NELL2: variants seen among roughly 807,000 people sequenced by gnomAD.
NELL2 encodes the protein protein kinase C-binding protein NELL2.
Under a neutral mutation model 109.6 loss-of-function variants are expected in NELL2, and 41 were observed. That is an observed-to-expected ratio of 0.37 (90% CI 0.29 to 0.49). The LOEUF is 0.49. Ranked by LOEUF, NELL2 falls within the 20% of genes least tolerant of loss-of-function variation. NELL2 has a pLI of 0.98. For synonymous variants in NELL2, 355 were observed against 344.7 expected, an observed-to-expected ratio of 1.03 and a Z score of -0.33; for missense variants, 900 against 1,008.3, an observed-to-expected ratio of 0.89 and a Z score of 1.45.
At chr12:44,750,210 T>C (rs1397431814) in intron 9 of NELL2, among the ~76,000 whole-genome samples, 4 of 152,170 alleles carry the variant, frequency 2.6e-5, no homozygotes, top group Non-Finnish European at 5.9e-5. Flanking sequence ...ATGTGTACTG[T>C]TAAAGATCAA....
At chr12:44,711,465 C>A in intron 10 of NELL2, 71 bp from the exon 11 acceptor site, 1 of 1,318,776 alleles carries the variant, frequency 7.6e-7, no homozygotes. Flanking sequence ...CCAGATCCAG[C>A]ATCTGAGAAG....
intron 16 of NELL2, among the ~76,000 whole-genome samples, chr12:44,528,743 A>G (rs1339150724): frequency 6.6e-6 from 1 of 152,196 alleles, no homozygotes; most frequent in Non-Finnish European, 1.5e-5. Flanking sequence ...TATAATTTCT[A>G]TCAAAAAAAG....
intron 19 of NELL2, among the ~76,000 whole-genome samples, chr12:44,512,045 A>AACT (rs1941022804): frequency 6.6e-6 from 1 of 152,206 alleles, no homozygotes; most frequent in South Asian, 2.1e-4. Flanking sequence ...ATGAAGAGAC[A>AACT]ACTTGCAGAA....
chr12:44,802,121 G>A (rs1386468617), intron 3 of NELL2, among the ~76,000 whole-genome samples: 1 of 152,016 alleles, frequency 6.6e-6, no homozygotes, highest in African/African-American at 2.4e-5. Context: ...ACTTAGAAAT[G>A]GAGAGTTTAA....
At position 44,687,126 on chromosome 12, in the gene NELL2, C is replaced by T. The variant is rs377481430; in HGVS notation, c.1318+16600G>A. 4.6e-5 allele frequency among the ~76,000 whole-genome samples: 7 copies of T among 152,306 alleles called. No homozygotes were observed. In the East Asian group the frequency reaches 9.6e-4, roughly 21 times the overall value. ...CTCCTGGTGCACCATTTTTTAAGCC[C>T]GTCGGAAATGCGCAGTATTCGGGTG... On this transcript the variant is annotated intron_variant, in intron 12 of 19. Coordinates refer to ENST00000429094, the MANE Select transcript of NELL2 (RefSeq NM_001145108.2).
chr12:44,814,866 G>A (rs1477712633), intron 3 of NELL2, among the ~76,000 whole-genome samples: 3 of 152,146 alleles, frequency 2.0e-5, no homozygotes, highest in Admixed American at 1.3e-4. Flanking sequence ...CCTCATCTGC[G>A]ATAAGAGAAA....
intron 15 of NELL2, among the ~76,000 whole-genome samples, chr12:44,536,693 T>C (rs898460779): frequency 2.0e-5 from 3 of 151,960 alleles, no homozygotes; most frequent in Admixed American, 1.3e-4. Flanking sequence ...TAAGAGTAAA[T>C]TTCATGAGTT....
At position 44,814,558 on chromosome 12, in the gene NELL2, A is replaced by G. The variant is rs972588553; in HGVS notation, c.335+1428T>C. Among the ~76,000 whole-genome samples, 4 of 152,190 alleles carry G rather than the reference A, an allele frequency of 2.6e-5. No individual in the cohort carries two copies. The East Asian group carries it at 7.7e-4, about 29-fold the overall frequency. On this transcript the variant is annotated intron_variant, in intron 3 of 19. Transcript: ENST00000429094. ...AGGGAATAGCCCAGTGAACCCTTGA[A>G]GATGGGATTGCTCCCTTTCTTGCTC...
At chr12:44,656,455 A>C (rs760943107) in intron 13 of NELL2, among the ~76,000 whole-genome samples, 4 of 152,246 alleles carry the variant, frequency 2.6e-5, no homozygotes, top group African/African-American at 9.6e-5. Context: ...AAAAGTGCCC[A>C]GTTGAAAGGG....
At chr12:44,745,937 G>A (rs1416919459) in intron 9 of NELL2, among the ~76,000 whole-genome samples, 1 of 152,114 alleles carries the variant, frequency 6.6e-6, no homozygotes, top group Non-Finnish European at 1.5e-5. Context: ...CACAGAATTG[G>A]AAAAAACTGC....
intron 3 of NELL2, among the ~76,000 whole-genome samples, chr12:44,784,728 A>G (rs867303582): frequency 4.2e-4 from 64 of 152,176 alleles, no homozygotes; most frequent in South Asian, 2.1e-4. Context: ...GGTTCAACAT[A>G]TGCATATCAA....
At chr12:44,839,127 G>C (rs1026957046) in intron 2 of NELL2, among the ~76,000 whole-genome samples, 1 of 43,450 alleles carries the variant, frequency 2.3e-5, no homozygotes, top group African/African-American at 7.8e-5. Context: ...GTTCTCATAT[G>C]ATCTTTAAAA....
In NELL2 at chr12:44,703,798, G is replaced by A. The variant is rs533999808; in HGVS notation, c.1246C>T (p.Leu416=). 6.2e-7 allele frequency: 1 copy of A among 1,613,378 alleles called. No homozygotes were observed. The highest frequency in any genetic ancestry group is 8.5e-7 in the Non-Finnish European group (1 of 1,179,638). The change falls in exon 12 of 20, where the codon CTG becomes TTG. Residue 416 remains leucine, a synonymous_variant. Transcript: ENST00000429094. The part of the protein sequence containing the change: ...NCMENSICRN[L]NDRAVCSCRD... The stretch of plus-strand genomic sequence containing the variant: ...CAGCTACAAACAGCCCTGTCATTCA[G>A]ATTTCTGCAGATGGAATTCTCCATG...
At chr12:44,799,610 T>C (rs540874803) in intron 3 of NELL2, among the ~76,000 whole-genome samples, 2 of 152,250 alleles carry the variant, frequency 1.3e-5, no homozygotes, top group Admixed American at 1.3e-4. Context: ...ATGGTCATAA[T>C]TTTTCCACAG....
At chr12:44,681,796 T>C (rs1048789070) in intron 12 of NELL2, among the ~76,000 whole-genome samples, 19 of 152,230 alleles carry the variant, frequency 1.2e-4, no homozygotes, top group African/African-American at 4.1e-4. Flanking sequence ...ATGTGCCACA[T>C]TTTCTTAATC....
At chr12:44,571,547 T>C (rs1222117223) in intron 15 of NELL2, among the ~76,000 whole-genome samples, 1 of 152,222 alleles carries the variant, frequency 6.6e-6, no homozygotes, top group African/African-American at 2.4e-5. Context: ...TCTTGTTCAT[T>C]AGGGAGTCTC....
intron 3 of NELL2, among the ~76,000 whole-genome samples, chr12:44,794,387 T>C (rs546617893): frequency 2.1e-4 from 32 of 152,242 alleles, no homozygotes; most frequent in Admixed American, 3.9e-4. Context: ...CTTGGTACAA[T>C]TGGAGGCAAG....
intron 3 of NELL2, among the ~76,000 whole-genome samples, chr12:44,780,982 G>A (rs763320167): frequency 2.6e-5 from 4 of 152,004 alleles, no homozygotes; most frequent in African/African-American, 9.7e-5. Flanking sequence ...ATACAAACAT[G>A]TCCAGGTTTC....
chr12:44,633,541 G>A (rs1216829050), intron 13 of NELL2, among the ~76,000 whole-genome samples: 1 of 152,072 alleles, frequency 6.6e-6, no homozygotes, highest in Admixed American at 6.6e-5. Flanking sequence ...AGTTACTAAT[G>A]GAGAGCCAAG....
Sources: allele counts gnomAD v4.1 joint callset (sites outside exome capture counted in the v4.1 genomes callset), GRCh38; gene constraint gnomAD v4.1.1; transcripts MANE v1.5; gene names NCBI Gene and HGNC (gene_info 2026-07-23, HGNC 2026-07-21).